The following ATF7 variants were observed in gnomAD, a reference collection of about 807,000 sequenced individuals.
ATF7 encodes cyclic AMP-dependent transcription factor ATF-7.
Under a neutral mutation model 50.4 loss-of-function variants are expected in ATF7, and 10 were observed. That is an observed-to-expected ratio of 0.20 (90% confidence interval 0.12 to 0.34). The LOEUF (loss-of-function observed/expected upper bound fraction) is 0.34, where lower values mean the gene tolerates loss of function less well. ATF7 is among the 10% of genes least tolerant of loss of function. The pLI is 1.00. For synonymous variants in ATF7, 201 were observed against 226.4 expected, an observed-to-expected ratio of 0.89 and a Z score of 1.01; for missense variants, 465 against 613.9, an observed-to-expected ratio of 0.76 and a Z score of 2.56.
intron 2 of ATF7, among the ~76,000 whole-genome samples, chr12:53,564,670 T>C (rs1182974617): frequency 2.0e-5 from 3 of 152,142 alleles, no homozygotes; most frequent in Admixed American, 2.0e-4. Flanking sequence ...AACAAGCTAG[T>C]TAGAGGGGAA....
chr12:53,542,438 AAAG>A (rs1295773955), intron 4 of ATF7, among the ~76,000 whole-genome samples: 25 of 151,828 alleles, frequency 1.6e-4, no homozygotes, highest in South Asian at 1.2e-3. Flanking sequence ...AAAAAAAAAA[AAAG>A]AGAGAGATAG....
At chr12:53,555,455 A>G (rs999663911) in intron 2 of ATF7, among the ~76,000 whole-genome samples, 6 of 151,554 alleles carry the variant, frequency 4.0e-5, no homozygotes, top group African/African-American at 1.2e-4. Flanking sequence ...AGAGGAAATA[A>G]GCAGAACCTA....
intron 1 of ATF7, among the ~76,000 whole-genome samples, chr12:53,623,511 T>C (rs1474379569): frequency 6.6e-6 from 1 of 152,212 alleles, no homozygotes; most frequent in Admixed American, 6.5e-5. Flanking sequence ...CACCTGTACC[T>C]TAACTTTAGT....
At chr12:53,596,107 T>C (rs1326124826) in intron 2 of ATF7, among the ~76,000 whole-genome samples, 2 of 152,130 alleles carry the variant, frequency 1.3e-5, no homozygotes, top group Non-Finnish European at 2.9e-5. Flanking sequence ...GAGACCAGCC[T>C]GATCAACATG....
intron 1 of ATF7, among the ~76,000 whole-genome samples, chr12:53,613,984 G>T (rs1201015098): frequency 6.6e-6 from 1 of 151,986 alleles, no homozygotes; most frequent in Non-Finnish European, 1.5e-5. Context: ...GCAGAAACTG[G>T]CTTCAAAGAA....
At chr12:53,545,834 C>T (rs898481373) in intron 3 of ATF7, among the ~76,000 whole-genome samples, 7 of 152,034 alleles carry the variant, frequency 4.6e-5, no homozygotes, top group Admixed American at 2.6e-4. Flanking sequence ...GCAGGCGGAT[C>T]CCCCCTTGAG....
At chr12:53,608,234 AAAAG>A (rs1943699351) in intron 1 of ATF7, among the ~76,000 whole-genome samples, 2 of 151,542 alleles carry the variant, frequency 1.3e-5, no homozygotes, top group Non-Finnish European at 2.9e-5. Context: ...AAAAAAAAAA[AAAAG>A]AAAGAAGTCT....
intron 9 of ATF7, among the ~76,000 whole-genome samples, chr12:53,527,067 G>T (rs555561243): frequency 6.7e-6 from 1 of 149,566 alleles, no homozygotes; most frequent in Non-Finnish European, 1.5e-5. Flanking sequence ...GCTGAGGCAG[G>T]AGAATCGGTT....
chr12:53,541,825 T>G (rs1939568972), intron 4 of ATF7, among the ~76,000 whole-genome samples: 2 of 152,132 alleles, frequency 1.3e-5, no homozygotes, highest in African/African-American at 4.8e-5. Flanking sequence ...TTTCCTCAAT[T>G]TCTTTCTTGT....
intron 1 of ATF7, among the ~76,000 whole-genome samples, chr12:53,611,390 T>C (rs1592990340): frequency 6.7e-6 from 1 of 150,298 alleles, no homozygotes; most frequent in East Asian, 2.0e-4. Flanking sequence ...GAGTTGGAGG[T>C]TGCAGTGGGC....
intron 5 of ATF7, among the ~76,000 whole-genome samples, chr12:53,537,012 G>A (rs923207133): frequency 1.3e-5 from 2 of 151,992 alleles, no homozygotes; most frequent in Admixed American, 6.6e-5. Flanking sequence ...AAGGAGAATA[G>A]GTATAATTTA....
chr12:53,508,570 A>AG (rs1353092950), downstream of ATF7, among the ~76,000 whole-genome samples: 3 of 150,436 alleles, frequency 2.0e-5, no homozygotes, highest in Non-Finnish European at 4.4e-5. Flanking sequence ...AAAAAAAAAA[A>AG]TTATTAAGAT....
chr12:53,614,302 G>A (rs979077329), intron 1 of ATF7, among the ~76,000 whole-genome samples: 8 of 152,212 alleles, frequency 5.3e-5, no homozygotes, highest in African/African-American at 1.9e-4. Flanking sequence ...ATTTATCTAT[G>A]TTTGGCCTCA....
chr12:53,552,420 C>T (rs1000766999), intron 3 of ATF7, 121 bp downstream of exon 3: 6 of 698,174 alleles, frequency 8.6e-6, no homozygotes, highest in Non-Finnish European at 1.5e-5. Context: ...TGATTAAATG[C>T]AGATCACATA....
At chr12:53,551,322 G>A (rs1053774373) in intron 3 of ATF7, among the ~76,000 whole-genome samples, 4 of 152,136 alleles carry the variant, frequency 2.6e-5, no homozygotes, top group Non-Finnish European at 4.4e-5. Context: ...ATCACATTTA[G>A]CTAATTTTTA....
Position 53,524,690 on chromosome 12 carries a change from C to G in ATF7, c.999G>C (p.Glu333Asp). 1 of 1,613,410 alleles carries G rather than the reference C, an allele frequency of 6.2e-7. No homozygotes were observed. The highest frequency in any genetic ancestry group is 8.5e-7 in the Non-Finnish European group (1 of 1,179,850). ...TGCGCTCCAGAAAGCGCTGCCGTCG[C>G]TCATCTGGATCTTCATCTACTGTGC... ...RRRTVDEDPD[E>D]RRQRFLERNR... The change falls in exon 10 of 12, where the codon GAG becomes GAC. Residue 333 changes from glutamate to aspartate, a missense_variant. Coordinates refer to ENST00000420353, the MANE Select transcript of ATF7 (RefSeq NM_006856.3). This position sits in a 1 kb window ranked among gnomAD's most constrained non-coding sequence, Gnocchi z 4.6.
intron 8 of ATF7, 44 bp from the exon 9 acceptor site, chr12:53,531,940 C>A (rs534392086): frequency 6.2e-7 from 1 of 1,605,204 alleles, no homozygotes; most frequent in East Asian, 2.2e-5. Flanking sequence ...GGATCAGATT[C>A]TATCAAGGAT....
At chr12:53,587,839 ATATATTTT>A (rs1299075179) in intron 2 of ATF7, among the ~76,000 whole-genome samples, 1 of 62,990 alleles carries the variant, frequency 1.6e-5, no homozygotes, top group Non-Finnish European at 3.3e-5. Context: ...ATATATATAT[ATATATTTT>A]TTTTTTTTTT....
chr12:53,571,639 A>T (rs7302232), intron 2 of ATF7, among the ~76,000 whole-genome samples: 72,301 of 144,378 alleles, frequency 0.5, 18,009 homozygotes, highest in East Asian at 0.95. Context: ...CCATCTCTTT[A>T]AAAAAAAAAA....
Sources: gnomAD v4.1 joint callset for allele counts (sites outside exome capture counted in the v4.1 genomes callset) on GRCh38, gnomAD v4.1.1 for gene constraint, Gnocchi (gnomAD v3.1) non-coding constraint, MANE v1.5 for transcripts, NCBI Gene and HGNC (gene_info 2026-07-23, HGNC 2026-07-21) for gene names.